The following PALLD variants were observed in gnomAD, a reference collection of about 807,000 sequenced individuals.
The protein encoded by PALLD is palladin, cytoskeletal associated protein.
Under a neutral mutation model 123.5 loss-of-function variants are expected in PALLD, and 61 were observed. The observed-to-expected ratio is 0.49, with a 90% CI of 0.40 to 0.61. The LOEUF (loss-of-function observed/expected upper bound fraction) is 0.61. Among genes scored for constraint, PALLD ranks in the 20% least tolerant of loss-of-function variants. PALLD has a pLI of 0.00. For missense variants in PALLD, 1,273 were observed against 1,377.0 expected, an observed-to-expected ratio of 0.92 and a Z score of 1.20; for synonymous variants, 465 against 496.4, an observed-to-expected ratio of 0.94 and a Z score of 0.84.
At chr4:168,558,338 T>A (rs989687342) in intron 2 of PALLD, among the ~76,000 whole-genome samples, 1 of 152,154 alleles carries the variant, frequency 6.6e-6, no homozygotes, top group African/African-American at 2.4e-5. Context: ...TAGACCCCAG[T>A]CCATGGTACA....
intron 10 of PALLD, among the ~76,000 whole-genome samples, chr4:168,841,381 A>G (rs1302821398): frequency 1.3e-5 from 2 of 152,244 alleles, no homozygotes. Flanking sequence ...GAGAACACTG[A>G]CTACATGTTC....
Position 168,928,256 on chromosome 4 carries a change from G to GA in PALLD, c.*2077dup, listed in dbSNP as rs1488821232. On this transcript the variant is annotated 3_prime_UTR_variant, in exon 22 of 22. Transcript: ENST00000505667. ...TTACTTGCCAAATTTTTCTGAATGT[G>GA]ACCTTTTTTTGCTGATTTGCTGGGT... 1 of 182,832 alleles carries GA rather than the reference G, an allele frequency of 5.5e-6. No individual in the cohort carries two copies. The highest frequency in any genetic ancestry group is 6.3e-5 in the Admixed American group (1 of 15,998). 11.3% of individuals were successfully genotyped at this position (182,832 alleles called of 1,614,324 possible).
At chr4:168,511,284 ATATTTCTTCCAACTTG>A (rs1364365880) in intron 1 of PALLD, 123 bp from the exon 2 acceptor site, 1 of 548,962 alleles carries the variant, frequency 1.8e-6, no homozygotes, top group African/African-American at 1.9e-5. Flanking sequence ...AGTATACTTG[ATATTTCTTCCAACTTG>A]TAAAATAAAG....
intron 10 of PALLD, among the ~76,000 whole-genome samples, chr4:168,880,904 T>G (rs1468052303): frequency 6.6e-6 from 1 of 152,138 alleles, no homozygotes; most frequent in Non-Finnish European, 1.5e-5. Context: ...CTTAGTTTTC[T>G]TTTCTTTTCT....
chr4:168,711,464 C>T, intron 9 of PALLD, 117 bp from the exon 10 acceptor site: 1 of 792,638 alleles, frequency 1.3e-6, no homozygotes, highest in East Asian at 2.5e-5. Context: ...AGCACAATCA[C>T]CTCTTCTTTA....
intron 2 of PALLD, among the ~76,000 whole-genome samples, chr4:168,650,917 A>G (rs188908326): frequency 1.4e-4 from 22 of 152,202 alleles, no homozygotes; most frequent in Admixed American, 1.4e-3. Flanking sequence ...GTACAATCTG[A>G]TGATATTATT....
rs28626035 is a variant in PALLD, at chr4:168,904,186, G to C, written c.2622+280G>C. 2,182 of 416,644 alleles carry C rather than the reference G, an allele frequency of 5.2e-3. 56 individuals carry two copies. The highest frequency in any genetic ancestry group is 0.04 in the African/African-American group (2,007 of 50,054). 25.8% of individuals were successfully genotyped at this position (416,644 alleles called of 1,614,324 possible). On this transcript the variant is annotated intron_variant, in intron 15 of 21. Coordinates refer to ENST00000505667, the MANE Select transcript of PALLD (RefSeq NM_001166108.2). ...TGTGGGTGATGGGGTTGCAGTGGTA[G>C]ACTGGACAAAGTCCTATGGTAAAAA...
chr4:168,526,525 A>C (rs1764063980), intron 2 of PALLD, among the ~76,000 whole-genome samples: 1 of 151,720 alleles, frequency 6.6e-6, no homozygotes, highest in African/African-American at 2.4e-5. Context: ...CCCCATATTT[A>C]GTGCTATCTG....
At chr4:168,711,481 TCA>T in intron 9 of PALLD, 98 bp from the exon 10 acceptor site, 1 of 898,332 alleles carries the variant, frequency 1.1e-6, no homozygotes, top group Non-Finnish European at 1.9e-6. Context: ...TTTAACAACT[TCA>T]CACAACACAG....
chr4:168,671,769 A>G (rs554911086), intron 3 of PALLD, among the ~76,000 whole-genome samples: 1 of 152,364 alleles, frequency 6.6e-6, no homozygotes, highest in Non-Finnish European at 1.5e-5. Flanking sequence ...CTAGCACTAA[A>G]TTAGACTCAC....
At chr4:168,683,461 A>T (rs1336614064) in intron 5 of PALLD, among the ~76,000 whole-genome samples, 1 of 152,228 alleles carries the variant, frequency 6.6e-6, no homozygotes, top group Non-Finnish European at 1.5e-5. Flanking sequence ...TTACAAATTA[A>T]AAGACAAGTC....
intron 2 of PALLD, among the ~76,000 whole-genome samples, chr4:168,599,980 T>C (rs893548556): frequency 2.7e-5 from 4 of 150,104 alleles, no homozygotes; most frequent in African/African-American, 9.8e-5. Context: ...CACACATATA[T>C]ACATACATGT....
Position 168,890,540 on chromosome 4 carries a change from T to A in PALLD, c.1965-382T>A, listed in dbSNP as rs184878763. ...CATTCATATGTGGTATATATTTTTT[T>A]AAAACTTGCCCAAGGTCACAAACTT... On this transcript the variant is annotated intron_variant, in intron 10 of 21. Coordinates refer to ENST00000505667, the MANE Select transcript of PALLD (RefSeq NM_001166108.2). Among the ~76,000 whole-genome samples, 516 of 152,296 alleles carry A rather than the reference T, an allele frequency of 3.4e-3. 2 individuals are homozygous for A. The highest frequency in any genetic ancestry group is 0.012 in the African/African-American group (494 of 41,572).
chr4:168,678,098 G>C (rs1049890942), intron 3 of PALLD: 3 of 152,138 alleles, frequency 2.0e-5, no homozygotes, highest in Admixed American at 6.6e-5. Context: ...ACTCACACGC[G>C]CGCACCTCAT....
chr4:168,608,954 T>C (rs564784195), intron 2 of PALLD, among the ~76,000 whole-genome samples: 1 of 151,838 alleles, frequency 6.6e-6, no homozygotes, highest in Admixed American at 6.6e-5. Flanking sequence ...TTTCTTCCAG[T>C]TCATGTTTCA....
intron 2 of PALLD, among the ~76,000 whole-genome samples, chr4:168,581,276 G>T (rs890378449): frequency 1.3e-5 from 2 of 151,838 alleles, no homozygotes; most frequent in Admixed American, 6.6e-5. Flanking sequence ...CTGGAAGCAG[G>T]ATTGTGCTGG....
chr4:168,644,680 C>A (rs1777270724), intron 2 of PALLD, among the ~76,000 whole-genome samples: 1 of 152,184 alleles, frequency 6.6e-6, no homozygotes, highest in South Asian at 2.1e-4. Context: ...TCATCCTGGA[C>A]ACCATCATTC....
intron 2 of PALLD, among the ~76,000 whole-genome samples, chr4:168,634,985 G>A (rs1045073096): frequency 4.6e-5 from 7 of 152,248 alleles, no homozygotes; most frequent in Admixed American, 6.5e-5. Context: ...ACAGGAAAAC[G>A]TAGGATTTAT....
At chr4:168,576,517 G>A (rs2149630923) in intron 2 of PALLD, among the ~76,000 whole-genome samples, 1 of 152,186 alleles carries the variant, frequency 6.6e-6, no homozygotes, top group African/African-American at 2.4e-5. Context: ...ATAGTTTGCT[G>A]AGAATGATGG....
Sources: allele counts gnomAD v4.1 joint callset (sites outside exome capture counted in the v4.1 genomes callset), GRCh38; gene constraint gnomAD v4.1.1; transcripts MANE v1.5; gene names NCBI Gene and HGNC (gene_info 2026-07-23, HGNC 2026-07-21).